Variants in ALS2 observed in about 807,000 individuals in gnomAD.
The protein encoded by ALS2 is alsin Rho guanine nucleotide exchange factor ALS2, also known as alsin.
ALS2 carries 117 observed loss-of-function variants against 203.4 expected under a neutral mutation model. The ratio of observed to expected loss-of-function variants is 0.58; its 90% CI spans 0.50 to 0.67. ALS2 has a LOEUF of 0.67. ALS2 is among the 30% of genes least tolerant of loss of function. The pLI, the probability that ALS2 is intolerant of heterozygous loss-of-function variation, is 0.00. For missense variants in ALS2, 1,715 were observed against 1,989.4 expected (o/e 0.86, Z 2.62); for synonymous variants, 718 against 725.9 (o/e 0.99, Z 0.17).
chr2:201,725,981 T>C (rs1259371310), intron 19 of ALS2, among the ~76,000 whole-genome samples: 1 of 152,238 alleles, frequency 6.6e-6, no homozygotes, highest in Admixed American at 6.5e-5. Context: ...AAACTAATCA[T>C]GTAAATACAT....
chr2:201,744,331 A>G lies in ALS2; in HGVS notation c.2097T>C (p.Ala699=), dbSNP rs374839627. Residue 699 remains alanine, a synonymous_variant, in exon 10 of 34, where the codon GCT becomes GCC. Transcript: ENST00000264276. The part of the protein sequence containing the change: ...MGYIASLHEL[A]TTERRFYSKL... ...TTGAATAGAATCGTCTTTCTGTAGT[A>G]GCTAACTCGTGGAGACTGGCAATAT... 2.5e-6 allele frequency: 4 copies of G among 1,613,942 alleles called. No individual in the cohort carries two copies. Among genetic ancestry groups the G allele is most frequent in the Non-Finnish European group, 2.5e-6 (3 of 1,179,926 alleles).
rs1157114805 is a variant in ALS2 at position 201,768,956 on chromosome 2, CAAGT to C, written c.-60-15_-60-12del. On this transcript the variant is annotated splice_polypyrimidine_tract_variant and intron_variant, in intron 1 of 33. Transcript: ENST00000264276. ...AAAGTCTATCAAGACCTAAACAGTACAAGTAAGGAAAAGAGCAGTAAAAGAATAT... is the reference window on the plus strand; with the variant it reads ...AAAGTCTATCAAGACCTAAACAGTACAAGGAAAAGAGCAGTAAAAGAATAT... 2 of 1,396,364 alleles carry C rather than the reference CAAGT, an allele frequency of 1.4e-6. No homozygotes were observed. The highest frequency in any genetic ancestry group is 1.0e-6 in the Non-Finnish European group (1 of 999,452). The allele number at this position is 1,396,364 out of a possible 1,614,324, so 86.5% of individuals were successfully genotyped here. A position where few individuals can be genotyped will look rare whatever the true frequency, so the allele number is the denominator to read the frequency against.
chr2:201,708,695 G>T (rs915850751), intron 27 of ALS2, among the ~76,000 whole-genome samples: 1 of 151,996 alleles, frequency 6.6e-6, no homozygotes, highest in African/African-American at 2.4e-5. Context: ...TTTTTTTCCT[G>T]GGCTTTGAGT....
chr2:201,718,053 C>A, intron 24 of ALS2, 24 bp downstream of exon 24: 2 of 1,610,326 alleles, frequency 1.2e-6, no homozygotes, highest in Non-Finnish European at 1.7e-6. Flanking sequence ...AATAATTAAT[C>A]CAGAATTAAC....
chr2:201,767,535 C>T, intron 2 of ALS2, 152 bp from the exon 3 acceptor site: 1 of 860,664 alleles, frequency 1.2e-6, no homozygotes. Context: ...TGGTTATGCT[C>T]ACAGAAGCCA....
chr2:201,758,102 G>A (rs920275183), intron 4 of ALS2, among the ~76,000 whole-genome samples: 5 of 152,118 alleles, frequency 3.3e-5, no homozygotes, highest in African/African-American at 9.7e-5. Flanking sequence ...TGCCTTTAAT[G>A]CCAAGTGCAC....
rs77015012 is a variant in ALS2 at position 201,744,313 on chromosome 2, G to C, written c.2115C>G (p.Phe705Leu). 4 of 1,613,966 alleles carry C rather than the reference G, an allele frequency of 2.5e-6. No homozygotes were observed. Residue 705 changes from phenylalanine to leucine, a missense_variant, in exon 10 of 34, where the codon TTC becomes TTG. By Grantham distance (22) the Phe-to-Leu change is conservative (BLOSUM62 0). Transcript: ENST00000264276. ...ATTTGATATCACTTAGTTTTGAATA[G>C]AATCGTCTTTCTGTAGTAGCTAACT... ...LHELATTERR[F>L]YSKLSDIKSQ...
intron 4 of ALS2, 29 bp downstream of exon 4, chr2:201,760,852 A>G (rs375041829): frequency 1.2e-4 from 188 of 1,601,182 alleles, no homozygotes; most frequent in Middle Eastern, 3.3e-4. Flanking sequence ...CTCTAGACAC[A>G]CTTTTATTTT....
intron 9 of ALS2, 37 bp from the exon 10 acceptor site, chr2:201,744,466 T>C: frequency 1.4e-5 from 22 of 1,590,786 alleles, no homozygotes; most frequent in Non-Finnish European, 1.7e-5. Flanking sequence ...AAATATAACA[T>C]ATAATTATGT....
At chr2:201,728,275 G>A (rs1370903586) in intron 15 of ALS2, among the ~76,000 whole-genome samples, 4 of 152,010 alleles carry the variant, frequency 2.6e-5, no homozygotes, top group Non-Finnish European at 5.9e-5. Context: ...GCCCCGGTGT[G>A]TGATGTTTCC....
At chr2:201,767,501 T>C in intron 2 of ALS2, 118 bp from the exon 3 acceptor site, 3 of 1,105,012 alleles carry the variant, frequency 2.7e-6, no homozygotes, top group Non-Finnish European at 4.0e-6. Context: ...GTCAGATAGC[T>C]GAATTAGCAC....
In ALS2 at chr2:201,744,348, T is replaced by C; in HGVS notation, c.2080A>G (p.Ser694Gly). The C allele has an allele frequency of 6.2e-7, 1 of 1,614,074 alleles. No individual in the cohort carries two copies. The highest frequency in any genetic ancestry group is 8.5e-7 in the Non-Finnish European group (1 of 1,179,918). The change falls in exon 10 of 34, where the codon AGT becomes GGT. Residue 694 changes from serine to glycine, a missense_variant. Ser to Gly is a moderately conservative substitution (Grantham distance 56). Around this residue, in one of 3 missense-constraint regions of ALS2, gnomAD observed 1,227 missense variants for 1,413.5 expected, o/e 0.87. Transcript: ENST00000264276. ...VDKNIMGYIA[S>G]LHELATTERR... ...TCTGTAGTAGCTAACTCGTGGAGAC[T>C]GGCAATATACCCCATAATGTTTTTA...
At chr2:201,757,895 A>G (rs992112105) in intron 4 of ALS2, 136 bp from the exon 5 acceptor site, 4 of 672,958 alleles carry the variant, frequency 5.9e-6, no homozygotes, top group Admixed American at 5.8e-5. Context: ...TTCATCTTCA[A>G]CTAAAGGTAT....
Position 201,726,495 on chromosome 2 carries a change from G to A in ALS2, c.3237C>T (p.Gly1079=). 1 of 1,613,958 alleles carries A rather than the reference G, an allele frequency of 6.2e-7. No individual in the cohort carries two copies. Among genetic ancestry groups the A allele is most frequent in the Middle Eastern group, 1.6e-4 (1 of 6,062 alleles). The part of the protein sequence containing the change: ...GKMYSGMFRN[G]LEDGYGEYRI... ...CACAATTTTCTTACCCATCTTCCAA[G>A]CCATTCCTGAACATGCCAGAATACA... The change falls in exon 19 of 34, where the codon GGC becomes GGT. Residue 1079 remains glycine, a synonymous_variant. Transcript: ENST00000264276.
chr2:201,767,557 C>T (rs1192236509), intron 2 of ALS2, among the ~76,000 whole-genome samples, 174 bp from the exon 3 acceptor site: 1 of 152,034 alleles, frequency 6.6e-6, no homozygotes, highest in African/African-American at 2.4e-5. Context: ...GGTAAAACAA[C>T]TATTTATATA....
rs374047961 is a variant in ALS2, at chr2:201,707,891, G to A, written c.4381C>T (p.Arg1461Ter). 1.9e-6 allele frequency: 3 copies of A among 1,613,398 alleles called. No homozygotes were observed. Among genetic ancestry groups the A allele is most frequent in the Non-Finnish European group, 8.5e-7 (1 of 1,179,596 alleles). ...TACCCTGGCTCTGGTGATTCAGATC[G>A]GGAATCTGACTTCCCAGTGCAAAAA... ...KSFCTGKSDS[R>*]SESPEPGYVV... The change falls in exon 28 of 34, where the codon CGA (arginine) becomes TGA (stop). Residue 1461 changes from arginine (R) to a stop codon, truncating the protein, a stop_gained. Coordinates refer to ENST00000264276, the MANE Select transcript of ALS2 (RefSeq NM_020919.4). LOFTEE classifies it high-confidence loss of function.
In ALS2 at chr2:201,738,763, A is replaced by G. The variant is rs772341503; in HGVS notation, c.2352-28T>C. ...TGAGCAGAAAAGAAAACACATGTAC[A>G]TTAGTTGAAATGTAAATTAGTTCTT... is the stretch of plus-strand genomic sequence containing the variant. On this transcript the variant is annotated intron_variant, in intron 11 of 33. Transcript: ENST00000264276. 83 of 1,571,290 alleles carry G rather than the reference A, an allele frequency of 5.3e-5. 1 individual carries two copies. Among genetic ancestry groups the G allele is most frequent in the Non-Finnish European group, 5.3e-6 (6 of 1,141,250 alleles).
chr2:201,708,099 G>T, intron 27 of ALS2, 108 bp from the exon 28 acceptor site: 2 of 1,009,940 alleles, frequency 2.0e-6, no homozygotes, highest in Non-Finnish European at 3.0e-6. Flanking sequence ...TATCAACTAA[G>T]TATTTTAGTT....
intron 25 of ALS2, among the ~76,000 whole-genome samples, chr2:201,713,961 A>G (rs755510741): frequency 6.6e-6 from 1 of 152,334 alleles, no homozygotes; most frequent in South Asian, 2.1e-4. Context: ...AAAACAGTAA[A>G]CATAGCAGGC....
Sources: gnomAD v4.1 joint callset for allele counts (sites outside exome capture counted in the v4.1 genomes callset) on GRCh38, gnomAD v4.1.1 for gene constraint, gnomAD v4.1.1 regional missense constraint, MANE v1.5 for transcripts, NCBI Gene and HGNC (gene_info 2026-07-23, HGNC 2026-07-21) for gene names.